The following BRD8 variants were observed in gnomAD, a reference collection of about 807,000 sequenced individuals.
BRD8 encodes the protein bromodomain containing 8.
BRD8 carries 67 observed loss-of-function variants against 143.1 expected under a neutral mutation model. That is an observed-to-expected ratio of 0.47 (90% confidence interval 0.38 to 0.57). The LOEUF is 0.57. Ranked by LOEUF, BRD8 falls within the 20% of genes least tolerant of loss-of-function variation. The pLI is 0.00. For missense variants in BRD8, 1,103 were observed against 1,503.0 expected (o/e 0.73, Z 4.40); for synonymous variants, 505 against 517.1 (o/e 0.98, Z 0.32).
At chr5:138,163,639 T>C in intron 14 of BRD8, 1 of 1,404,462 alleles carries the variant, frequency 7.1e-7, no homozygotes, top group African/African-American at 1.4e-5. Context: ...AGAGTAACTC[T>C]GACCCTGGGT....
intron 7 of BRD8, 133 bp downstream of exon 7, chr5:138,170,212 T>G (rs1398790258): frequency 1.4e-6 from 1 of 704,790 alleles, no homozygotes; most frequent in Non-Finnish European, 2.5e-6. Context: ...TAAGGGATGT[T>G]TTTATTCTGG....
chr5:138,157,161 G>T (rs777528061), intron 20 of BRD8: 8 of 1,608,488 alleles, frequency 5.0e-6, no homozygotes, highest in Non-Finnish European at 6.8e-6. Flanking sequence ...GCTCTATCTT[G>T]TTTACTTTTA....
chr5:138,141,714 A>T (rs1751916887), intron 25 of BRD8, among the ~76,000 whole-genome samples: 1 of 152,160 alleles, frequency 6.6e-6, no homozygotes, highest in Non-Finnish European at 1.5e-5. Flanking sequence ...GCTAAGAATA[A>T]TTTTTTTCTC....
At position 138,164,802 on chromosome 5, in the gene BRD8, A is replaced by G. The variant is rs2151202713; in HGVS notation, c.1643T>C (p.Leu548Pro). 6.2e-7 allele frequency: 1 copy of G among 1,614,206 alleles called. No homozygotes were observed. Among genetic ancestry groups the G allele is most frequent in the African/African-American group, 1.3e-5 (1 of 75,062 alleles). Residue 548 changes from leucine to proline, a missense_variant, in exon 12 of 27, where the codon CTG (leucine) becomes CCG (proline). Physicochemically the swap from Leu to Pro is moderately conservative, Grantham distance 98. Around this residue, in one of 7 missense-constraint regions of BRD8, gnomAD observed 139 missense variants for 139.0 expected, o/e 1.00. Transcript: ENST00000254900. ...ELRSQDLDEE[L>P]GSTAAGEIVE... ...AATCTCTCCAGCTGCAGTACTTCCC[A>G]GTTCCTCATCTAAGTCCTGACTCCT...
At chr5:138,145,535 C>T (rs1173042894) in intron 24 of BRD8, among the ~76,000 whole-genome samples, 2 of 152,186 alleles carry the variant, frequency 1.3e-5, no homozygotes, top group Non-Finnish European at 2.9e-5. Context: ...GAAGAATATA[C>T]ATTTTAAATA....
At chr5:138,171,720 G>A (rs184413232) in intron 3 of BRD8, among the ~76,000 whole-genome samples, 174 of 152,250 alleles carry the variant, frequency 1.1e-3, no homozygotes, top group African/African-American at 4.0e-3. Flanking sequence ...TGTTTTACAT[G>A]TATTACTTCA....
At chr5:138,162,477 T>A (rs1581432178) in intron 15 of BRD8, among the ~76,000 whole-genome samples, 2 of 152,036 alleles carry the variant, frequency 1.3e-5, no homozygotes, top group African/African-American at 4.8e-5. Flanking sequence ...ATTACAGGTG[T>A]GAGCCACTAT....
At chr5:138,178,055 C>T (rs1754505438) in intron 1 of BRD8, among the ~76,000 whole-genome samples, 1 of 152,166 alleles carries the variant, frequency 6.6e-6, no homozygotes, top group African/African-American at 2.4e-5. Context: ...GCCCCTCCTA[C>T]TACCCCGCCT....
intron 22 of BRD8, 125 bp downstream of exon 22, chr5:138,150,620 G>A (rs1752339959): frequency 2.7e-6 from 3 of 1,124,596 alleles, no homozygotes; most frequent in Admixed American, 5.0e-5. Flanking sequence ...TAAAACTGGT[G>A]CTAAATCCAG....
rs1752957508 is a variant in BRD8, at chr5:138,161,018, C to T, written c.2300G>A (p.Arg767Gln). The T allele has an allele frequency of 1.2e-6, 2 of 1,613,574 alleles. No homozygotes were observed. Among genetic ancestry groups the T allele is most frequent in the Middle Eastern group, 1.6e-4 (1 of 6,082 alleles). Residue 767 changes from arginine to glutamine, a missense_variant, in exon 18 of 27, where the codon CGA becomes CAA. Physicochemically the swap from Arg to Gln is conservative, Grantham distance 43. Coordinates refer to ENST00000254900, the MANE Select transcript of BRD8 (RefSeq NM_139199.2). ...IKKNIENGLIRSTAEFQRDIM... is the reference protein window; with the variant it reads ...IKKNIENGLIQSTAEFQRDIM... ...GTCACGCTGAAATTCAGCTGTGCTT[C>T]GGATCAGTCCATTTTCTATGTTTTT...
intron 20 of BRD8, among the ~76,000 whole-genome samples, chr5:138,153,606 T>G (rs1398429627): frequency 6.6e-6 from 1 of 151,968 alleles, no homozygotes; most frequent in African/African-American, 2.4e-5. Flanking sequence ...AAATCACATT[T>G]CCTTTATCTC....
chr5:138,163,604 G>C, intron 14 of BRD8: 1 of 1,436,742 alleles, frequency 7.0e-7, no homozygotes. Context: ...TAAGCTAAGA[G>C]GCGTTCCTTC....
At chr5:138,154,830 CTTT>C (rs200415636) in intron 20 of BRD8, among the ~76,000 whole-genome samples, 6 of 137,392 alleles carry the variant, frequency 4.4e-5, no homozygotes, top group East Asian at 2.1e-4. Context: ...AAGTTCATAA[CTTT>C]TTTTTTTTTT....
chr5:138,170,973 G>C, intron 5 of BRD8, 61 bp from the exon 6 acceptor site: 1 of 1,612,496 alleles, frequency 6.2e-7, no homozygotes, highest in Non-Finnish European at 8.5e-7. Flanking sequence ...TAAAAGTTCT[G>C]ACCAGTACCA....
intron 25 of BRD8, 82 bp from the exon 26 acceptor site, chr5:138,140,964 TAACC>T: frequency 2.8e-6 from 4 of 1,406,512 alleles, no homozygotes; most frequent in Non-Finnish European, 3.9e-6. Context: ...CTTGAAGAAC[TAACC>T]AGTTCTTAAT....
chr5:138,170,999 TG>T (rs1561618890), intron 5 of BRD8, 38 bp downstream of exon 5: 2 of 1,612,088 alleles, frequency 1.2e-6, no homozygotes, highest in Non-Finnish European at 1.7e-6. Flanking sequence ...CAGTCCCTTA[TG>T]TCTTTCTCAA....
At chr5:138,142,824 G>A (rs1057081330) in intron 25 of BRD8, among the ~76,000 whole-genome samples, 167 of 151,538 alleles carry the variant, frequency 1.1e-3, no homozygotes, top group African/African-American at 3.9e-3. Flanking sequence ...CCAGCATTTT[G>A]GAAGGCTGAG....
Position 138,164,130 on chromosome 5 carries a change from G to A in BRD8, c.1829C>T (p.Ser610Leu). ...AATAGTCCCTGATTCTTCTTTCAAT[G>A]AGTCTGCAGAGGAGAGAAAGACTAC... ...ETQHKFEMSD[S>L]LKEESGTIFG... Residue 610 changes from serine to leucine, a missense_variant, in exon 14 of 27, where the codon TCA becomes TTA. Physicochemically the swap from Ser to Leu is moderately radical, Grantham distance 145. Coordinates refer to ENST00000254900, the MANE Select transcript of BRD8 (RefSeq NM_139199.2). 1.2e-6 allele frequency: 2 copies of A among 1,614,002 alleles called. No homozygotes were observed. Among genetic ancestry groups the A allele is most frequent in the Non-Finnish European group, 1.7e-6 (2 of 1,179,972 alleles).
intron 20 of BRD8, 111 bp downstream of exon 20, chr5:138,159,444 G>T: frequency 8.6e-7 from 1 of 1,163,984 alleles, no homozygotes; most frequent in Non-Finnish European, 1.3e-6. Context: ...ATAAACAGAA[G>T]TTCAAGACAC....
Sources: gnomAD v4.1 joint callset for allele counts (sites outside exome capture counted in the v4.1 genomes callset) on GRCh38, gnomAD v4.1.1 for gene constraint, gnomAD v4.1.1 regional missense constraint, MANE v1.5 for transcripts, NCBI Gene and HGNC (gene_info 2026-07-23, HGNC 2026-07-21) for gene names.